ARHGAP44: variants seen among roughly 807,000 people sequenced by gnomAD.
ARHGAP44 encodes the protein Rho GTPase activating protein 44, also known as rho GTPase-activating protein 44.
Under a neutral mutation model 106.8 loss-of-function variants are expected in ARHGAP44, and 43 were observed. That is an observed-to-expected ratio of 0.40 (90% CI 0.32 to 0.52). The LOEUF is 0.52. Among genes scored for constraint, ARHGAP44 ranks in the 20% least tolerant of loss-of-function variants. The pLI, the probability that ARHGAP44 is intolerant of heterozygous loss-of-function variation, is 0.48. For synonymous variants in ARHGAP44, 439 were observed against 410.3 expected, an observed-to-expected ratio of 1.07 and a Z score of -0.85; for missense variants, 866 against 1,050.5, an observed-to-expected ratio of 0.82 and a Z score of 2.43.
At chr17:12,987,047 C>G in intron 20 of ARHGAP44, 104 of 845,826 alleles carry the variant, frequency 1.2e-4, no homozygotes, top group Non-Finnish European at 1.5e-4. Flanking sequence ...TTGTGACGTT[C>G]ATGTTTTGTC....
intron 16 of ARHGAP44, among the ~76,000 whole-genome samples, chr17:12,968,984 T>C (rs2039461513): frequency 6.6e-6 from 1 of 152,122 alleles, no homozygotes; most frequent in African/African-American, 2.4e-5. Flanking sequence ...TTAGCCAGGA[T>C]GGTCTCGATC....
chr17:12,948,487 T>C (rs1404720221), intron 10 of ARHGAP44, among the ~76,000 whole-genome samples: 1 of 152,060 alleles, frequency 6.6e-6, no homozygotes, highest in Non-Finnish European at 1.5e-5. Flanking sequence ...CTGGCCAACA[T>C]GGCGAAACCC....
chr17:12,960,612 GTGT>G (rs1313370386), intron 16 of ARHGAP44, among the ~76,000 whole-genome samples: 2 of 151,752 alleles, frequency 1.3e-5, no homozygotes, highest in Non-Finnish European at 2.9e-5. Context: ...CCGGGCTGGA[GTGT>G]GGTGGTGCAA....
intron 1 of ARHGAP44, among the ~76,000 whole-genome samples, chr17:12,808,946 A>G (rs1432971061): frequency 1.3e-5 from 2 of 152,240 alleles, no homozygotes; most frequent in African/African-American, 4.8e-5. Context: ...TGCTTTTAAC[A>G]GCACCCAGGT....
At chr17:12,911,425 A>G (rs1449130132) in intron 4 of ARHGAP44, among the ~76,000 whole-genome samples, 1 of 152,170 alleles carries the variant, frequency 6.6e-6, no homozygotes, top group South Asian at 2.1e-4. Flanking sequence ...ATGACTGGGA[A>G]CTAACTTGGC....
chr17:12,949,209 G>T lies in ARHGAP44; in HGVS notation c.931G>T (p.Val311Leu), dbSNP rs1285223854. Reference sequence around the variant, plus strand: ...GAAAGCGGCCCTGGACTGCTGCGTGGTGGATGTGCAGGAGTACTCGGCAGA... The same window carrying T: ...GAAAGCGGCCCTGGACTGCTGCGTGTTGGATGTGCAGGAGTACTCGGCAGA... Reference protein sequence around the residue: ...KLKAALDCCVVDVQEYSADPH... With the variant: ...KLKAALDCCVLDVQEYSADPH... Residue 311 changes from valine to leucine, a missense_variant, in exon 11 of 21, where the codon GTG (valine) becomes TTG (leucine). Coordinates refer to ENST00000379672, the MANE Select transcript of ARHGAP44 (RefSeq NM_014859.6). The surrounding 1 kb of genome is among the most constrained non-coding windows in gnomAD (Gnocchi z 4.1). The T allele has an allele frequency of 6.3e-7, 1 of 1,580,114 alleles. No homozygotes were observed. The highest frequency in any genetic ancestry group is 8.6e-7 in the Non-Finnish European group (1 of 1,163,126).
At chr17:12,841,639 C>CACA (rs1555546108) in intron 1 of ARHGAP44, among the ~76,000 whole-genome samples, 43 of 137,456 alleles carry the variant, frequency 3.1e-4, no homozygotes, top group African/African-American at 1.3e-3. Flanking sequence ...CACACACACA[C>CACA]AAACAAACAA....
rs767998458 is a variant in ARHGAP44 at position 12,949,665 on chromosome 17, C to T, written c.990C>T (p.Tyr330=). 36 of 1,613,706 alleles carry T rather than the reference C, an allele frequency of 2.2e-5. No homozygotes were observed. Among genetic ancestry groups the T allele is most frequent in the Non-Finnish European group, 3.0e-5 (35 of 1,179,852 alleles). The stretch of plus-strand genomic sequence containing the variant: ...CATGCCTAGGAGCTTTGAAATCTTA[C>T]CTCCGAGAGTTGCCAGAACCTCTTA... ...PHAIAGALKS[Y]LRELPEPLMT... Residue 330 remains tyrosine, a synonymous_variant, in exon 12 of 21, where the codon TAC becomes TAT. Transcript: ENST00000379672. The surrounding 1 kb of genome is among the most constrained non-coding windows in gnomAD (Gnocchi z 4.1).
Position 12,958,922 on chromosome 17 carries a change from G to C in ARHGAP44, c.1523+25G>C. 1 of 1,590,362 alleles carries C rather than the reference G, an allele frequency of 6.3e-7. No individual in the cohort carries two copies. Among genetic ancestry groups the C allele is most frequent in the Non-Finnish European group, 8.6e-7 (1 of 1,167,982 alleles). On this transcript the variant is annotated intron_variant, in intron 16 of 20. Coordinates refer to ENST00000379672, the MANE Select transcript of ARHGAP44 (RefSeq NM_014859.6). This position sits in a 1 kb window ranked among gnomAD's most constrained non-coding sequence, Gnocchi z 4.1. Reference sequence around the variant, plus strand: ...GGTATGAACTGGTGTCTCTTTCTCAGCACTGGGGATTAGGGGAGGTGGTGG... The same window carrying C: ...GGTATGAACTGGTGTCTCTTTCTCACCACTGGGGATTAGGGGAGGTGGTGG...
chr17:12,956,125 A>G, intron 14 of ARHGAP44, 145 bp downstream of exon 14: 1 of 617,860 alleles, frequency 1.6e-6, no homozygotes. Context: ...CTCCTCTTTT[A>G]GGCTGAGGAG....
chr17:12,965,085 C>A (rs530996857), intron 16 of ARHGAP44, among the ~76,000 whole-genome samples: 4 of 152,280 alleles, frequency 2.6e-5, no homozygotes, highest in African/African-American at 9.6e-5. Flanking sequence ...TCTAGCCTCT[C>A]GTAGCCTGAA....
chr17:12,876,266 A>G (rs2036553778), intron 1 of ARHGAP44, among the ~76,000 whole-genome samples: 1 of 152,116 alleles, frequency 6.6e-6, no homozygotes, highest in Non-Finnish European at 1.5e-5. Context: ...CGGCTTGCTT[A>G]CCTTGCTTTA....
chr17:12,802,753 C>CTTTTTTTTTTTTTTTT (rs869172678), intron 1 of ARHGAP44, among the ~76,000 whole-genome samples: 45 of 108,698 alleles, frequency 4.1e-4, no homozygotes, highest in Non-Finnish European at 6.4e-4. Context: ...TTTTTTATTT[C>CTTTTTTTTTTTTTTTT]TTTTTTTTTT....
At chr17:12,873,672 TG>T (rs1212645454) in intron 1 of ARHGAP44, among the ~76,000 whole-genome samples, 1 of 152,110 alleles carries the variant, frequency 6.6e-6, no homozygotes, top group Admixed American at 6.6e-5. Context: ...CCAAGGCAGA[TG>T]GATCACCTGA....
intron 1 of ARHGAP44, among the ~76,000 whole-genome samples, chr17:12,891,053 T>C (rs2150912449): frequency 6.6e-6 from 1 of 152,324 alleles, no homozygotes; most frequent in South Asian, 2.1e-4. Flanking sequence ...CTGTCCATAT[T>C]TCTGCCCACA....
At chr17:12,940,493 C>T (rs933327543) in intron 7 of ARHGAP44, among the ~76,000 whole-genome samples, 3 of 152,196 alleles carry the variant, frequency 2.0e-5, no homozygotes, top group African/African-American at 7.2e-5. Flanking sequence ...GATCTGTGTG[C>T]AGTTTTGCAT....
rs928088627 is a variant in ARHGAP44, at chr17:12,852,039, T to C, written c.54-42901T>C. Among the ~76,000 whole-genome samples the C allele has an allele frequency of 3.3e-5, 5 of 150,936 alleles. No homozygotes were observed. In the South Asian group the frequency reaches 1.1e-3, roughly 32 times the overall value. On this transcript the variant is annotated intron_variant, in intron 1 of 20. Transcript: ENST00000379672. Reference sequence around the variant, plus strand: ...GAATTGAGCTCCACCTCAAGGGTTCTTGGAGTCATTTGAGTGGATGAGGCT... The same window carrying C: ...GAATTGAGCTCCACCTCAAGGGTTCCTGGAGTCATTTGAGTGGATGAGGCT...
chr17:12,976,438 C>G (rs2039684051), intron 18 of ARHGAP44, among the ~76,000 whole-genome samples: 1 of 151,728 alleles, frequency 6.6e-6, no homozygotes, highest in African/African-American at 2.4e-5. Flanking sequence ...CATGGTGAAA[C>G]CCCATCTCTA....
intron 15 of ARHGAP44, among the ~76,000 whole-genome samples, chr17:12,957,322 G>A (rs2322712): frequency 0.2 from 30,254 of 152,082 alleles, 4,294 homozygotes; most frequent in East Asian, 0.64. Context: ...AACCATGTCC[G>A]TGGATTTTAC....
Sources: gnomAD v4.1 joint callset for allele counts (sites outside exome capture counted in the v4.1 genomes callset) on GRCh38, gnomAD v4.1.1 for gene constraint, Gnocchi (gnomAD v3.1) non-coding constraint, MANE v1.5 for transcripts, NCBI Gene and HGNC (gene_info 2026-07-23, HGNC 2026-07-21) for gene names.